The following MALRD1 variants were observed in gnomAD, a reference collection of about 807,000 sequenced individuals.
MALRD1 encodes the protein MAM and LDL receptor class A domain containing 1, also known as MAM and LDL-receptor class A domain-containing protein 1.
Under a neutral mutation model 242.1 loss-of-function variants are expected in MALRD1, and 247 were observed. The ratio of observed to expected loss-of-function variants is 1.02; its 90% CI spans 0.92 to 1.13. The LOEUF is 1.13. MALRD1 is among the 50% of genes most tolerant of loss of function. The probability of loss-of-function intolerance (pLI) is 0.00; values close to 1 mark genes in which losing one functional copy is unlikely to be tolerated. For synonymous variants in MALRD1, 995 were observed against 866.6 expected, an observed-to-expected ratio of 1.15 and a Z score of -2.60; for missense variants, 2,989 against 2,533.1, an observed-to-expected ratio of 1.18 and a Z score of -3.86.
intron 36 of MALRD1, among the ~76,000 whole-genome samples, chr10:19,625,368 G>A (rs1005841050): frequency 1.3e-5 from 2 of 151,680 alleles, no homozygotes; most frequent in Non-Finnish European, 2.9e-5. Flanking sequence ...AATTCATATG[G>A]TTGCTTTTGC....
rs1838283147 is a variant in MALRD1, at chr10:19,235,606, G to GAGAGAGAGAA, written c.2992-22070_2992-22069insAAAGAGAGAG. Among the ~76,000 whole-genome samples the GAGAGAGAGAA allele has an allele frequency of 2.0e-5, 3 of 151,158 alleles. No individual in the cohort carries two copies. The South Asian group carries it at 6.3e-4, about 32-fold the overall frequency. The stretch of plus-strand genomic sequence containing the variant: ...AGAGAGAGAGAGAGAGAGAGAGAGA[G>GAGAGAGAGAA]AGAGAGAGCGCCTAGGTAAGAGGCC... On this transcript the variant is annotated intron_variant, in intron 18 of 39. Coordinates refer to ENST00000454679, the MANE Select transcript of MALRD1 (RefSeq NM_001142308.3).
At chr10:19,451,924 C>T (rs1014795564) in intron 29 of MALRD1, among the ~76,000 whole-genome samples, 1 of 152,058 alleles carries the variant, frequency 6.6e-6, no homozygotes, top group Non-Finnish European at 1.5e-5. Context: ...ATGCAGGAGA[C>T]AGGATTTGGG....
chr10:19,189,403 C>A (rs1017072814), intron 14 of MALRD1, among the ~76,000 whole-genome samples: 6 of 152,044 alleles, frequency 3.9e-5, no homozygotes, highest in Non-Finnish European at 7.4e-5. Flanking sequence ...GAACTAACAA[C>A]AATCCTCTCA....
At chr10:19,357,455 G>A (rs777187018) in intron 26 of MALRD1, among the ~76,000 whole-genome samples, 4 of 151,986 alleles carry the variant, frequency 2.6e-5, no homozygotes, top group Non-Finnish European at 5.9e-5. Context: ...ACATTTGACA[G>A]TAAACCTTGT....
intron 31 of MALRD1, among the ~76,000 whole-genome samples, chr10:19,499,730 T>G (rs1212347010): frequency 6.6e-6 from 1 of 152,238 alleles, no homozygotes; most frequent in Non-Finnish European, 1.5e-5. Flanking sequence ...CGAGATTACA[T>G]GGAATTTAAG....
At chr10:19,321,880 T>A (rs1219990807) in intron 21 of MALRD1, among the ~76,000 whole-genome samples, 1 of 152,168 alleles carries the variant, frequency 6.6e-6, no homozygotes, top group Non-Finnish European at 1.5e-5. Context: ...ATTAAAAAAA[T>A]TATTCTAAGT....
At chr10:19,387,372 G>T (rs1846125461) in intron 26 of MALRD1, among the ~76,000 whole-genome samples, 156 bp from the exon 27 acceptor site, 1 of 151,460 alleles carries the variant, frequency 6.6e-6, no homozygotes, top group Non-Finnish European at 1.5e-5. Flanking sequence ...CTCTGGAGCA[G>T]AGTGGGAGAG....
At chr10:19,174,128 T>C (rs1835122728) in intron 13 of MALRD1, among the ~76,000 whole-genome samples, 1 of 152,158 alleles carries the variant, frequency 6.6e-6, no homozygotes, top group Non-Finnish European at 1.5e-5. Context: ...TATGATCTCA[T>C]TGTAAAAACT....
At chr10:19,343,945 T>G (rs1179540609) in intron 24 of MALRD1, among the ~76,000 whole-genome samples, 1 of 152,166 alleles carries the variant, frequency 6.6e-6, no homozygotes, top group Non-Finnish European at 1.5e-5. Flanking sequence ...TTTCCTGTGC[T>G]TGTTTATAAT....
intron 26 of MALRD1, among the ~76,000 whole-genome samples, chr10:19,375,866 G>C (rs1408014137): frequency 2.0e-5 from 3 of 152,216 alleles, no homozygotes; most frequent in Non-Finnish European, 4.4e-5. Flanking sequence ...GCTCATGCCT[G>C]TAATCCCAGC....
At chr10:19,094,651 C>T (rs1346185429) in intron 4 of MALRD1, among the ~76,000 whole-genome samples, 2 of 152,184 alleles carry the variant, frequency 1.3e-5, no homozygotes, top group Non-Finnish European at 2.9e-5. Context: ...CTTTTTCCTT[C>T]CAGACTTTTC....
At chr10:19,693,398 T>C (rs941196542) in intron 38 of MALRD1, among the ~76,000 whole-genome samples, 1 of 152,070 alleles carries the variant, frequency 6.6e-6, no homozygotes, top group Admixed American at 6.6e-5. Context: ...AAAATCAATG[T>C]GCAAAAATCA....
At chr10:19,137,450 C>A (rs1270700869) in intron 10 of MALRD1, among the ~76,000 whole-genome samples, 1 of 151,540 alleles carries the variant, frequency 6.6e-6, no homozygotes, top group Non-Finnish European at 1.5e-5. Flanking sequence ...ACTAAAAATA[C>A]AAAAAATTAG....
chr10:19,137,687 T>C (rs1197264245), intron 10 of MALRD1, among the ~76,000 whole-genome samples: 1 of 151,944 alleles, frequency 6.6e-6, no homozygotes, highest in African/African-American at 2.4e-5. Context: ...CCAACACCTT[T>C]CTTTCAGGCC....
chr10:19,363,198 A>G (rs1177722906), intron 26 of MALRD1, among the ~76,000 whole-genome samples: 3 of 152,144 alleles, frequency 2.0e-5, no homozygotes, highest in Non-Finnish European at 4.4e-5. Flanking sequence ...AAAATCATCA[A>G]AGAATGAATA....
chr10:19,092,045 G>A (rs1212477533), intron 4 of MALRD1, among the ~76,000 whole-genome samples: 1 of 26,978 alleles, frequency 3.7e-5, no homozygotes, highest in Non-Finnish European at 6.0e-5. Context: ...GTGGTGTGGT[G>A]CTGAAAAAAA....
intron 24 of MALRD1, among the ~76,000 whole-genome samples, chr10:19,337,596 T>C (rs1378385207): frequency 6.6e-6 from 1 of 152,176 alleles, no homozygotes; most frequent in Non-Finnish European, 1.5e-5. Flanking sequence ...TTTTACAGAA[T>C]TGTTTATCTT....
intron 29 of MALRD1, among the ~76,000 whole-genome samples, chr10:19,480,420 G>C (rs1023535845): frequency 6.6e-6 from 1 of 152,162 alleles, no homozygotes; most frequent in African/African-American, 2.4e-5. Flanking sequence ...GCAGTTGAAA[G>C]TCTGGACTGG....
chr10:19,186,648 G>A (rs2131574682), intron 14 of MALRD1, among the ~76,000 whole-genome samples: 1 of 152,218 alleles, frequency 6.6e-6, no homozygotes, highest in East Asian at 1.9e-4. Context: ...ATTATTAATG[G>A]TGACTGTGGA....
Sources: allele counts gnomAD v4.1 joint callset (sites outside exome capture counted in the v4.1 genomes callset), GRCh38; gene constraint gnomAD v4.1.1; transcripts MANE v1.5; gene names NCBI Gene and HGNC (gene_info 2026-07-23, HGNC 2026-07-21).